VPS54: variants seen among roughly 807,000 people sequenced by gnomAD.
VPS54 encodes VPS54 subunit of GARP complex, also known as vacuolar protein sorting-associated protein 54.
Under a neutral mutation model 121.5 loss-of-function variants are expected in VPS54, and 45 were observed. The observed-to-expected ratio is 0.37, with a 90% CI of 0.29 to 0.47. The LOEUF is 0.47. Ranked by LOEUF, VPS54 falls within the 20% of genes least tolerant of loss-of-function variation. The pLI is 0.99. For synonymous variants in VPS54, 371 were observed against 385.8 expected, an observed-to-expected ratio of 0.96 and a Z score of 0.45; for missense variants, 1,090 against 1,131.4, an observed-to-expected ratio of 0.96 and a Z score of 0.52.
chr2:63,912,720 G>C, intron 18 of VPS54, 59 bp from the exon 19 acceptor site: 1 of 1,515,060 alleles, frequency 6.6e-7, no homozygotes. Flanking sequence ...GGTATTAGTT[G>C]ATTTTAATTA....
At chr2:64,018,159 T>C (rs954513808) in intron 1 of VPS54, among the ~76,000 whole-genome samples, 1 of 152,166 alleles carries the variant, frequency 6.6e-6, no homozygotes, top group Non-Finnish European at 1.5e-5. Context: ...AAATCAGAAA[T>C]ACAGCCAATT....
chr2:64,008,487 C>T (rs973985500), intron 1 of VPS54, among the ~76,000 whole-genome samples: 6 of 150,686 alleles, frequency 4.0e-5, no homozygotes, highest in South Asian at 2.1e-4. Context: ...AGGAATGGGG[C>T]GAGAGGGGAT....
intron 3 of VPS54, 117 bp downstream of exon 3, chr2:63,981,529 A>G (rs1676798875): frequency 8.5e-7 from 1 of 1,172,866 alleles, no homozygotes; most frequent in African/African-American, 1.5e-5. Flanking sequence ...ATTTGTATGA[A>G]CGAAAAGAAT....
chr2:64,005,720 C>T (rs1037116961), intron 1 of VPS54, among the ~76,000 whole-genome samples: 2 of 152,116 alleles, frequency 1.3e-5, no homozygotes, highest in African/African-American at 2.4e-5. Flanking sequence ...TCAAAAATGT[C>T]CTAGGGTTGG....
At chr2:63,924,560 T>C (rs993934956) in intron 12 of VPS54, among the ~76,000 whole-genome samples, 5 of 152,128 alleles carry the variant, frequency 3.3e-5, no homozygotes, top group Non-Finnish European at 5.9e-5. Context: ...GGCATGGTGG[T>C]TCACGCCTAG....
chr2:63,982,688 T>C (rs1176174072), intron 2 of VPS54, among the ~76,000 whole-genome samples: 1 of 152,306 alleles, frequency 6.6e-6, no homozygotes, highest in East Asian at 1.9e-4. Context: ...CATAGCCTTC[T>C]TGCACTTAGG....
intron 1 of VPS54, among the ~76,000 whole-genome samples, chr2:64,000,652 T>A (rs933422252): frequency 6.6e-6 from 1 of 152,238 alleles, no homozygotes; most frequent in Non-Finnish European, 1.5e-5. Flanking sequence ...ACCACCTTGG[T>A]AGTCTTGAAT....
chr2:64,018,612 C>T (rs1181311794), intron 1 of VPS54, among the ~76,000 whole-genome samples: 1 of 151,582 alleles, frequency 6.6e-6, no homozygotes, highest in Non-Finnish European at 1.5e-5. Flanking sequence ...TTGGGGGCAG[C>T]GTCTAAGGGG....
chr2:63,962,501 C>G, intron 6 of VPS54, 58 bp from the exon 7 acceptor site: 1 of 1,499,622 alleles, frequency 6.7e-7, no homozygotes, highest in Non-Finnish European at 8.9e-7. Context: ...CTTGATTATC[C>G]AAATACTTTA....
At chr2:63,948,892 G>A (rs1459974612) in intron 8 of VPS54, 145 bp downstream of exon 8, 1 of 856,638 alleles carries the variant, frequency 1.2e-6, no homozygotes, top group Non-Finnish European at 1.7e-6. Context: ...GCTTGCTCAA[G>A]TCACATAGCT....
At chr2:63,916,866 TGACTC>T (rs1673401967) in intron 16 of VPS54, 29 bp downstream of exon 16, 1 of 1,605,048 alleles carries the variant, frequency 6.2e-7, no homozygotes, top group Non-Finnish European at 8.5e-7. Context: ...TTTAAATAGT[TGACTC>T]AACTACTAAA....
chr2:63,948,924 G>C, intron 8 of VPS54, 113 bp downstream of exon 8: 4 of 1,331,186 alleles, frequency 3.0e-6, no homozygotes, highest in Non-Finnish European at 4.1e-6. Context: ...TCATAGGTCT[G>C]ATAGCCCTTG....
chr2:63,979,204 T>A (rs1676687536), intron 3 of VPS54, among the ~76,000 whole-genome samples: 1 of 151,928 alleles, frequency 6.6e-6, no homozygotes, highest in Non-Finnish European at 1.5e-5. Context: ...GTTTCTCTAA[T>A]TTTGACTTTG....
At chr2:63,977,078 C>T (rs1247115765) in intron 3 of VPS54, among the ~76,000 whole-genome samples, 2 of 152,098 alleles carry the variant, frequency 1.3e-5, no homozygotes, top group Non-Finnish European at 2.9e-5. Context: ...ATCCACCTAC[C>T]TCAGCCTCCC....
At chr2:63,987,726 A>C (rs1677120726) in intron 1 of VPS54, among the ~76,000 whole-genome samples, 1 of 152,054 alleles carries the variant, frequency 6.6e-6, no homozygotes, top group South Asian at 2.1e-4. Context: ...TATAGCTTTC[A>C]CTGTAGAGAC....
chr2:63,948,415 T>TTTTG (rs71393342), intron 8 of VPS54, among the ~76,000 whole-genome samples: 3 of 52,796 alleles, frequency 5.7e-5, no homozygotes, highest in African/African-American at 3.4e-4. Context: ...ACTTTTTCGG[T>TTTTG]TTTTTTTTTT....
intron 22 of VPS54, among the ~76,000 whole-genome samples, chr2:63,895,693 A>G (rs77558674): frequency 0.013 from 1,863 of 143,524 alleles, 32 homozygotes; most frequent in African/African-American, 0.044. Flanking sequence ...AATTTCAGAA[A>G]CAAAAACTTT....
intron 18 of VPS54, 63 bp from the exon 19 acceptor site, chr2:63,912,724 T>G (rs1673206417): frequency 1.3e-6 from 2 of 1,516,444 alleles, no homozygotes; most frequent in Admixed American, 5.2e-5. Flanking sequence ...TTAGTTGATT[T>G]TAATTACAAA....
At chr2:64,011,492 G>A (rs772858084) in intron 1 of VPS54, among the ~76,000 whole-genome samples, 2 of 152,116 alleles carry the variant, frequency 1.3e-5, no homozygotes, top group African/African-American at 2.4e-5. Flanking sequence ...CTTGAACACA[G>A]AACGGGGAGG....
Sources: allele counts gnomAD v4.1 joint callset (sites outside exome capture counted in the v4.1 genomes callset), GRCh38; gene constraint gnomAD v4.1.1; transcripts MANE v1.5; gene names NCBI Gene and HGNC (gene_info 2026-07-23, HGNC 2026-07-21).